MAML2: variants seen among roughly 807,000 people sequenced by gnomAD.
MAML2 encodes mastermind-like protein 2.
Under a neutral mutation model 96.1 loss-of-function variants are expected in MAML2, and 22 were observed. The observed-to-expected ratio is 0.23, with a 90% CI of 0.16 to 0.33. MAML2 has a LOEUF of 0.33. Ranked by LOEUF, MAML2 falls within the 10% of genes least tolerant of loss-of-function variation. MAML2 has a pLI of 1.00. For missense variants in MAML2, 1,367 were observed against 1,392.4 expected (o/e 0.98, Z 0.29); for synonymous variants, 561 against 521.3 (o/e 1.08, Z -1.04).
chr11:96,249,510 T>C (rs1212232686), intron 1 of MAML2, among the ~76,000 whole-genome samples: 1 of 152,110 alleles, frequency 6.6e-6, no homozygotes, highest in Non-Finnish European at 1.5e-5. Flanking sequence ...CTCTCGCCTC[T>C]TCTTTCCTCA....
chr11:96,302,659 T>C (rs1863404471), intron 1 of MAML2, among the ~76,000 whole-genome samples: 1 of 152,182 alleles, frequency 6.6e-6, no homozygotes, highest in African/African-American at 2.4e-5. Flanking sequence ...TTCCTTACAT[T>C]TTCTAAATTT....
intron 1 of MAML2, among the ~76,000 whole-genome samples, chr11:96,154,837 T>C (rs1345023212): frequency 6.6e-6 from 1 of 152,110 alleles, no homozygotes; most frequent in Non-Finnish European, 1.5e-5. Flanking sequence ...ATCCTAAAGG[T>C]GCCAGGTAAG....
At chr11:96,120,931 G>A (rs967074357) in intron 1 of MAML2, among the ~76,000 whole-genome samples, 2 of 152,154 alleles carry the variant, frequency 1.3e-5, no homozygotes, top group Non-Finnish European at 2.9e-5. Context: ...CCTCCAAATC[G>A]CTCAAGGGAT....
chr11:96,082,972 G>C (rs1236152696), intron 2 of MAML2, among the ~76,000 whole-genome samples: 1 of 152,194 alleles, frequency 6.6e-6, no homozygotes, highest in Non-Finnish European at 1.5e-5. Flanking sequence ...GCTGGGGTTT[G>C]AACATGATTG....
chr11:96,231,150 A>C (rs1862287919), intron 1 of MAML2, among the ~76,000 whole-genome samples: 1 of 152,200 alleles, frequency 6.6e-6, no homozygotes, highest in Non-Finnish European at 1.5e-5. Flanking sequence ...TAATAAATAT[A>C]TTTCTCTCTA....
intron 2 of MAML2, among the ~76,000 whole-genome samples, chr11:96,026,390 T>A (rs148483234): frequency 9.2e-5 from 14 of 152,314 alleles, no homozygotes; most frequent in African/African-American, 2.4e-4. Context: ...CCAAGAGAGA[T>A]AATAGTTGGG....
intron 2 of MAML2, among the ~76,000 whole-genome samples, chr11:96,031,283 A>T (rs1331075060): frequency 6.6e-6 from 1 of 152,040 alleles, no homozygotes; most frequent in Non-Finnish European, 1.5e-5. Context: ...ACTTTTACAC[A>T]TTTATTTCAT....
At chr11:96,221,266 G>A (rs1230114547) in intron 1 of MAML2, among the ~76,000 whole-genome samples, 1 of 152,156 alleles carries the variant, frequency 6.6e-6, no homozygotes, top group Non-Finnish European at 1.5e-5. Context: ...TAACCACAGA[G>A]AAGGACATGT....
chr11:96,090,460 C>G (rs1458426674), intron 2 of MAML2, among the ~76,000 whole-genome samples: 1 of 152,146 alleles, frequency 6.6e-6, no homozygotes, highest in Non-Finnish European at 1.5e-5. Context: ...TAGAGAAGTT[C>G]AGTGAGTCCC....
intron 1 of MAML2, among the ~76,000 whole-genome samples, chr11:96,237,981 T>C (rs999003127): frequency 6.6e-6 from 1 of 152,262 alleles, no homozygotes; most frequent in Non-Finnish European, 1.5e-5. Flanking sequence ...TCTGCTTTGT[T>C]CTGCCTGTAT....
chr11:96,219,542 G>A (rs557842430), intron 1 of MAML2, among the ~76,000 whole-genome samples: 4 of 152,178 alleles, frequency 2.6e-5, no homozygotes, highest in Non-Finnish European at 5.9e-5. Flanking sequence ...GAGCCTAGGA[G>A]TCAGACCAAT....
intron 1 of MAML2, among the ~76,000 whole-genome samples, chr11:96,188,397 C>T (rs1306355022): frequency 6.6e-6 from 1 of 152,190 alleles, no homozygotes; most frequent in African/African-American, 2.4e-5. Flanking sequence ...CTTAAGCAAT[C>T]CTTCCCTTCC....
At chr11:96,171,899 G>A (rs1206646939) in intron 1 of MAML2, among the ~76,000 whole-genome samples, 1 of 152,200 alleles carries the variant, frequency 6.6e-6, no homozygotes, top group Non-Finnish European at 1.5e-5. Context: ...AGCACTGCTG[G>A]TGTCACAAGG....
intron 2 of MAML2, among the ~76,000 whole-genome samples, chr11:96,031,489 T>G (rs1173759786): frequency 6.6e-6 from 1 of 152,204 alleles, no homozygotes; most frequent in Non-Finnish European, 1.5e-5. Flanking sequence ...ATTGCTAATT[T>G]CCAGAAAAGA....
At chr11:96,310,317 T>A (rs1863521047) in intron 1 of MAML2, among the ~76,000 whole-genome samples, 1 of 152,196 alleles carries the variant, frequency 6.6e-6, no homozygotes. Flanking sequence ...TGAAACAAAC[T>A]TTTAGATTCA....
intron 1 of MAML2, among the ~76,000 whole-genome samples, chr11:96,243,975 A>T (rs1446546771): frequency 6.6e-6 from 1 of 152,200 alleles, no homozygotes; most frequent in Admixed American, 6.5e-5. Context: ...ATAGGTACTC[A>T]GGTCCGCTGG....
chr11:95,992,075 A>G lies in MAML2; in HGVS notation c.2140-352T>C, dbSNP rs79021535. Among the ~76,000 whole-genome samples the G allele has an allele frequency of 3.2e-3, 485 of 152,304 alleles. 2 individuals carry two copies. The highest frequency in any genetic ancestry group is 0.01 in the South Asian group (50 of 4,826). On this transcript the variant is annotated intron_variant, in intron 2 of 4. Coordinates refer to ENST00000524717, the MANE Select transcript of MAML2 (RefSeq NM_032427.4). The stretch of plus-strand genomic sequence containing the variant: ...CAGGAATAAACATCATAACCTAACA[A>G]ATCCTTCCTTTTCCCAAAGTTAGCA...
chr11:96,150,963 C>T lies in MAML2; in HGVS notation c.514-57446G>A, dbSNP rs149091099. On this transcript the variant is annotated intron_variant, in intron 1 of 4. Transcript: ENST00000524717. ...ATCTTAAGCCCCTCCCTAGACCTAC[C>T]GAATCTAAATGTATACTTTAACAAA... Among the ~76,000 whole-genome samples, 555 of 152,300 alleles carry T rather than the reference C, an allele frequency of 3.6e-3. 4 individuals carry two copies. The highest frequency in any genetic ancestry group is 0.012 in the African/African-American group (494 of 41,558).
chr11:96,190,039 T>A (rs141013074), intron 1 of MAML2, among the ~76,000 whole-genome samples: 1 of 152,238 alleles, frequency 6.6e-6, no homozygotes, highest in Non-Finnish European at 1.5e-5. Context: ...GATTTCACAC[T>A]GAAAATTTGT....
Sources: gnomAD v4.1 joint callset for allele counts (sites outside exome capture counted in the v4.1 genomes callset) on GRCh38, gnomAD v4.1.1 for gene constraint, MANE v1.5 for transcripts, NCBI Gene and HGNC (gene_info 2026-07-23, HGNC 2026-07-21) for gene names.